MBD5: variants seen among roughly 807,000 people sequenced by gnomAD.
The protein encoded by MBD5 is methyl-CpG binding domain protein 5, also known as methyl-CpG-binding domain protein 5.
In MBD5, 13 loss-of-function variants were observed where a neutral mutation model predicts 117.3. The ratio of observed to expected loss-of-function variants is 0.11; its 90% CI spans 0.07 to 0.18. MBD5 has a LOEUF of 0.18. Ranked by LOEUF, MBD5 falls within the 10% of genes least tolerant of loss-of-function variation. The probability of loss-of-function intolerance (pLI) is 1.00; values close to 1 mark genes in which losing one functional copy is unlikely to be tolerated. For missense variants in MBD5, 1,879 were observed against 2,093.8 expected (o/e 0.90, Z 2.00); for synonymous variants, 727 against 766.4 (o/e 0.95, Z 0.85).
chr2:148,317,970 C>T (rs1158220993), intron 3 of MBD5, among the ~76,000 whole-genome samples: 1 of 152,112 alleles, frequency 6.6e-6, no homozygotes, highest in Admixed American at 6.5e-5. Flanking sequence ...GGTATATACT[C>T]AGTGGTGGAA....
rs200578666 is a variant in MBD5, at chr2:148,261,963, CACA to C, written c.-680+28572_-680+28574del. 6.4e-4 allele frequency among the ~76,000 whole-genome samples: 97 copies of C among 152,248 alleles called. No homozygotes were observed. The East Asian group carries it at 0.018, about 28-fold the overall frequency. On this transcript the variant is annotated intron_variant, in intron 3 of 13. Transcript: ENST00000642680. ...CGGATTCTGTGGTAGTCAGAACACA[CACA>C]ACATTTATCGATTGAATTTGCCTTT...
intron 3 of MBD5, among the ~76,000 whole-genome samples, chr2:148,302,775 G>A (rs1032598771): frequency 6.6e-6 from 1 of 151,224 alleles, no homozygotes; most frequent in Non-Finnish European, 1.5e-5. Context: ...GCACTACAAT[G>A]TACACCACCC....
chr2:148,470,002 T>G lies in MBD5; in HGVS notation c.2059T>G (p.Leu687Val). ...TGCAGTTCCTAAACCTGGACCTGAC[T>G]TGCTAAGGAAGCAGGGTCAGGGTTC... ...SSAVPKPGPDLLRKQGQGSFP... is the reference protein window; with the variant it reads ...SSAVPKPGPDVLRKQGQGSFP... Residue 687 changes from leucine (L) to valine (V), a missense_variant, in exon 8 of 14, where the codon TTG becomes GTG. By Grantham distance (32) the Leu-to-Val change is conservative (BLOSUM62 1). Coordinates refer to ENST00000642680, the MANE Select transcript of MBD5 (RefSeq NM_001378120.1). 1 of 1,613,818 alleles carries G rather than the reference T, an allele frequency of 6.2e-7. No homozygotes were observed. The highest frequency in any genetic ancestry group is 8.5e-7 in the Non-Finnish European group (1 of 1,179,810).
intron 1 of MBD5, among the ~76,000 whole-genome samples, chr2:148,046,274 A>G (rs533207299): frequency 2.6e-5 from 4 of 152,064 alleles, no homozygotes; most frequent in Non-Finnish European, 4.4e-5. Context: ...GAGCCACTGC[A>G]CCCAACCTTA....
intron 4 of MBD5, among the ~76,000 whole-genome samples, chr2:148,362,677 G>A (rs942098698): frequency 2.6e-5 from 4 of 152,158 alleles, no homozygotes; most frequent in Admixed American, 6.6e-5. Context: ...CCTGACCCCC[G>A]TGCCTCCTGA....
At chr2:148,388,445 G>A (rs1372818772) in intron 4 of MBD5, among the ~76,000 whole-genome samples, 1 of 152,172 alleles carries the variant, frequency 6.6e-6, no homozygotes, top group Non-Finnish European at 1.5e-5. Context: ...GAGGCAGGGA[G>A]TTTGAGATTA....
rs1170923962 is a variant in MBD5, at chr2:148,308,487, CTTTCTTTTTTTTTTTTT to C, written c.-679-33723_-679-33707del. 5.0e-3 allele frequency among the ~76,000 whole-genome samples: 139 copies of C among 27,714 alleles called. 1 individual carries two copies. The East Asian group carries it at 0.12, about 23-fold the overall frequency. The allele number at this position is 27,714 out of a possible 152,430, so 18.2% of individuals were successfully genotyped here. A position where few individuals can be genotyped will look rare whatever the true frequency, so the allele number is the denominator to read the frequency against. Reference sequence around the variant, plus strand: ...ACTTCTCCCACTTTTTGATGGGGTTCTTTCTTTTTTTTTTTTTTTTTTTTTTTTTTTGATGGGGTTAA... The same window carrying C: ...ACTTCTCCCACTTTTTGATGGGGTTCTTTTTTTTTTTTTTGATGGGGTTAA... On this transcript the variant is annotated intron_variant, in intron 3 of 13. Coordinates refer to ENST00000642680, the MANE Select transcript of MBD5 (RefSeq NM_001378120.1).
At chr2:148,309,454 CTGTT>C (rs1420646470) in intron 3 of MBD5, among the ~76,000 whole-genome samples, 18 of 151,756 alleles carry the variant, frequency 1.2e-4, no homozygotes. Context: ...GGCTGTCTGT[CTGTT>C]ACTGGTGTAT....
intron 4 of MBD5, among the ~76,000 whole-genome samples, chr2:148,348,239 A>C (rs1020005078): frequency 1.3e-5 from 2 of 151,726 alleles, no homozygotes; most frequent in Admixed American, 1.3e-4. Context: ...TTTGCACACA[A>C]CTTTAGCCCG....
chr2:148,287,813 C>T (rs912823379), intron 3 of MBD5, among the ~76,000 whole-genome samples: 1 of 152,112 alleles, frequency 6.6e-6, no homozygotes, highest in African/African-American at 2.4e-5. Flanking sequence ...CCTATGATAA[C>T]AACATTAATT....
At chr2:148,242,789 G>C (rs1000378780) in intron 3 of MBD5, among the ~76,000 whole-genome samples, 6 of 152,144 alleles carry the variant, frequency 3.9e-5, no homozygotes, top group African/African-American at 1.4e-4. Flanking sequence ...TTTAAAAACT[G>C]CTTATTGAAT....
chr2:148,080,376 A>G (rs1652119994), intron 1 of MBD5, among the ~76,000 whole-genome samples: 1 of 152,198 alleles, frequency 6.6e-6, no homozygotes, highest in African/African-American at 2.4e-5. Context: ...TCAAAAAATG[A>G]TCTAGGAATA....
intron 8 of MBD5, among the ~76,000 whole-genome samples, chr2:148,475,751 G>A (rs1239628190): frequency 6.6e-6 from 1 of 152,078 alleles, no homozygotes; most frequent in Non-Finnish European, 1.5e-5. Flanking sequence ...AACGTACCCA[G>A]ATTCTATGGA....
At chr2:148,364,508 T>C (rs1368611269) in intron 4 of MBD5, among the ~76,000 whole-genome samples, 1 of 152,180 alleles carries the variant, frequency 6.6e-6, no homozygotes, top group Non-Finnish European at 1.5e-5. Flanking sequence ...TAACCTTTAA[T>C]GTAAATGGGT....
intron 1 of MBD5, among the ~76,000 whole-genome samples, chr2:148,151,555 T>G (rs1165996076): frequency 2.0e-5 from 3 of 152,238 alleles, no homozygotes; most frequent in Non-Finnish European, 4.4e-5. Context: ...AAATTCGGCA[T>G]GAATCCATCT....
chr2:148,132,475 C>A (rs1386221096), intron 1 of MBD5, among the ~76,000 whole-genome samples: 2 of 151,690 alleles, frequency 1.3e-5, no homozygotes, highest in African/African-American at 4.8e-5. Flanking sequence ...TATGGCAATT[C>A]TGAAATGTAA....
intron 11 of MBD5, among the ~76,000 whole-genome samples, chr2:148,501,463 CT>C (rs1681869562): frequency 6.6e-6 from 1 of 152,184 alleles, no homozygotes; most frequent in East Asian, 1.9e-4. Context: ...TGCCTTGAAA[CT>C]ATGCTTACAT....
At chr2:148,257,768 G>C (rs948103242) in intron 3 of MBD5, among the ~76,000 whole-genome samples, 10 of 152,184 alleles carry the variant, frequency 6.6e-5, no homozygotes, top group African/African-American at 2.4e-4. Context: ...AAAGTTCATT[G>C]TTGCCTGTCC....
At chr2:148,334,861 C>G (rs1702747322) in intron 3 of MBD5, among the ~76,000 whole-genome samples, 1 of 152,050 alleles carries the variant, frequency 6.6e-6, no homozygotes, top group African/African-American at 2.4e-5. Context: ...AATTGTATAT[C>G]CAACCCTTGT....
Sources: allele counts gnomAD v4.1 joint callset (sites outside exome capture counted in the v4.1 genomes callset), GRCh38; gene constraint gnomAD v4.1.1; transcripts MANE v1.5; gene names NCBI Gene and HGNC (gene_info 2026-07-23, HGNC 2026-07-21).